SQOR: variants seen among roughly 807,000 people sequenced by gnomAD.
The protein encoded by SQOR is sulfide:quinone oxidoreductase, mitochondrial.
SQOR carries 39 observed loss-of-function variants against 48.6 expected under a neutral mutation model. The observed-to-expected ratio is 0.80, with a 90% CI of 0.62 to 1.05. The LOEUF is 1.05. Ranked by LOEUF, SQOR falls within the 50% of genes least tolerant of loss-of-function variation. The pLI is 0.00. For missense variants in SQOR, 561 were observed against 559.9 expected (o/e 1.00, Z -0.02); for synonymous variants, 220 against 206.2 (o/e 1.07, Z -0.57).
At chr15:45,648,344 A>C (rs1368645021) in intron 1 of SQOR, among the ~76,000 whole-genome samples, 1 of 151,920 alleles carries the variant, frequency 6.6e-6, no homozygotes, top group Non-Finnish European at 1.5e-5. Flanking sequence ...TACCCAGCTA[A>C]TTTTTGTATT....
intron 1 of SQOR, among the ~76,000 whole-genome samples, chr15:45,653,027 G>A (rs944436079): frequency 1.3e-5 from 2 of 152,038 alleles, no homozygotes; most frequent in African/African-American, 4.8e-5. Context: ...TCTGCTTGTT[G>A]CTATAAACTT....
chr15:45,672,010 T>C (rs1312820665), intron 4 of SQOR, among the ~76,000 whole-genome samples: 2 of 152,194 alleles, frequency 1.3e-5, no homozygotes, highest in Admixed American at 6.5e-5. Flanking sequence ...ACCACCCTTT[T>C]TGACGCAGGT....
intron 1 of SQOR, among the ~76,000 whole-genome samples, chr15:45,636,252 C>A (rs1325100473): frequency 6.6e-6 from 1 of 151,866 alleles, no homozygotes. Context: ...CTTTAAAAAA[C>A]GAATGCGTTA....
intron 7 of SQOR, among the ~76,000 whole-genome samples, chr15:45,687,153 G>A (rs954461812): frequency 2.0e-5 from 3 of 151,830 alleles, no homozygotes; most frequent in African/African-American, 7.3e-5. Context: ...CTGAGGTGGC[G>A]TCTCACTTTA....
At chr15:45,667,985 C>G (rs1266262621) in intron 3 of SQOR, among the ~76,000 whole-genome samples, 1 of 141,496 alleles carries the variant, frequency 7.1e-6, no homozygotes, top group East Asian at 2.0e-4. Flanking sequence ...CTCACTGTCA[C>G]CCATGCTGGA....
At chr15:45,678,499 T>A (rs2140959061) in intron 6 of SQOR, among the ~76,000 whole-genome samples, 1 of 152,308 alleles carries the variant, frequency 6.6e-6, no homozygotes, top group East Asian at 1.9e-4. Flanking sequence ...GTTTTGGATT[T>A]GGTCAGTAGA....
At chr15:45,659,763 A>C (rs756330198) in intron 2 of SQOR, among the ~76,000 whole-genome samples, 11 of 152,186 alleles carry the variant, frequency 7.2e-5, no homozygotes, top group Non-Finnish European at 1.6e-4. Context: ...TCTTAATTTG[A>C]TTACATTTGC....
rs535188968 is a variant in SQOR, at chr15:45,681,091, G to A, written c.865-1387G>A. The stretch of plus-strand genomic sequence containing the variant: ...ACAAACTAGCTGGGTGTGGTGGTGC[G>A]TGCCTCCTGGCTGAGGCAGGAGGAT... On this transcript the variant is annotated intron_variant, in intron 6 of 9. Coordinates refer to ENST00000260324, the MANE Select transcript of SQOR (RefSeq NM_021199.4). 9.2e-5 allele frequency among the ~76,000 whole-genome samples: 14 copies of A among 152,082 alleles called. No homozygotes were observed. In the South Asian group the frequency reaches 1.9e-3, roughly 20 times the overall value.
At chr15:45,649,732 C>T (rs1407050428) in intron 1 of SQOR, among the ~76,000 whole-genome samples, 2 of 152,310 alleles carry the variant, frequency 1.3e-5, no homozygotes, top group East Asian at 3.9e-4. Context: ...ATCTACCTGA[C>T]TTGGCCTACC....
chr15:45,637,662 C>G (rs558423382), intron 1 of SQOR, among the ~76,000 whole-genome samples: 1 of 151,976 alleles, frequency 6.6e-6, no homozygotes, highest in Non-Finnish European at 1.5e-5. Flanking sequence ...TCTGTGTGTG[C>G]GTGTCTGTGT....
intron 1 of SQOR, among the ~76,000 whole-genome samples, chr15:45,655,567 A>C (rs1889586831): frequency 1.3e-5 from 2 of 152,246 alleles, no homozygotes; most frequent in African/African-American, 4.8e-5. Context: ...ATTTGTGAAA[A>C]GTACATACAA....
At chr15:45,684,066 C>T (rs1345848423) in intron 7 of SQOR, among the ~76,000 whole-genome samples, 1 of 136,042 alleles carries the variant, frequency 7.4e-6, no homozygotes, top group Non-Finnish European at 1.7e-5. Context: ...CACCCACCAC[C>T]ACACCTGGCT....
intron 1 of SQOR, 146 bp from the exon 2 acceptor site, chr15:45,658,761 A>G: frequency 1.7e-6 from 1 of 591,544 alleles, no homozygotes; most frequent in Non-Finnish European, 2.8e-6. Context: ...TTGGGACCAC[A>G]GCCAGTGGGG....
At chr15:45,679,742 T>C (rs1396817130) in intron 6 of SQOR, among the ~76,000 whole-genome samples, 1 of 152,210 alleles carries the variant, frequency 6.6e-6, no homozygotes, top group African/African-American at 2.4e-5. Context: ...TAGCATTCTA[T>C]TTTTCTTTGT....
chr15:45,663,767 T>TA (rs768834308), intron 3 of SQOR, among the ~76,000 whole-genome samples: 15 of 151,418 alleles, frequency 9.9e-5, no homozygotes, highest in Middle Eastern at 6.9e-3. Flanking sequence ...CTCCAAAAAA[T>TA]AAAAAAATAA....
chr15:45,631,627 C>G (rs1364193530), upstream of SQOR: 2 of 152,252 alleles, frequency 1.3e-5, no homozygotes, highest in Non-Finnish European at 2.9e-5. Context: ...TCCTCCTGAG[C>G]CTTCCCTTTC....
chr15:45,636,304 TTAAA>T (rs1278738480), intron 1 of SQOR, among the ~76,000 whole-genome samples: 4 of 152,144 alleles, frequency 2.6e-5, no homozygotes, highest in Non-Finnish European at 4.4e-5. Context: ...TAGCAGTGGA[TTAAA>T]TAGTTACCAT....
chr15:45,681,035 C>T (rs1373295947), intron 6 of SQOR, among the ~76,000 whole-genome samples: 1 of 151,948 alleles, frequency 6.6e-6, no homozygotes, highest in African/African-American at 2.4e-5. Flanking sequence ...AGAGCAAGAC[C>T]GAGTCTCTAA....
At chr15:45,670,318 G>T (rs1358315867) in intron 4 of SQOR, among the ~76,000 whole-genome samples, 1 of 152,166 alleles carries the variant, frequency 6.6e-6, no homozygotes, top group Non-Finnish European at 1.5e-5. Context: ...ATTACATTCC[G>T]CTTTGGAAGT....
Sources: allele counts gnomAD v4.1 joint callset (sites outside exome capture counted in the v4.1 genomes callset), GRCh38; gene constraint gnomAD v4.1.1; transcripts MANE v1.5; gene names NCBI Gene and HGNC (gene_info 2026-07-23, HGNC 2026-07-21).